The following CD151 variants were observed in gnomAD, a reference collection of about 807,000 sequenced individuals.
CD151 encodes CD151 antigen.
A neutral mutation model predicts 34.2 loss-of-function variants in CD151; 20 were observed. The ratio of observed to expected loss-of-function variants is 0.58; its 90% CI spans 0.41 to 0.85. The LOEUF (loss-of-function observed/expected upper bound fraction) is 0.85. CD151 is among the 40% of genes least tolerant of loss of function. The pLI, the probability that CD151 is intolerant of heterozygous loss-of-function variation, is 0.00. For synonymous variants in CD151, 157 were observed against 131.7 expected, an observed-to-expected ratio of 1.19 and a Z score of -1.32; for missense variants, 306 against 324.5, an observed-to-expected ratio of 0.94 and a Z score of 0.44.
chr11:835,969 G>A lies in CD151; in HGVS notation c.-7-94G>A, dbSNP rs1846748089. ...CCCAAAGTGCTGGGATTACAGGCGTGAGCCACCGCGCCTGGCCCTGTGTCC... is the reference window on the plus strand; with the variant it reads ...CCCAAAGTGCTGGGATTACAGGCGTAAGCCACCGCGCCTGGCCCTGTGTCC... On this transcript the variant is annotated intron_variant, in intron 2 of 8. Coordinates refer to ENST00000397420, the MANE Select transcript of CD151 (RefSeq NM_004357.5). The A allele has an allele frequency of 1.1e-5, 8 of 750,890 alleles. No homozygotes were observed. In the South Asian group the frequency reaches 1.2e-4, roughly 11 times the overall value. 46.5% of individuals were successfully genotyped at this position (750,890 alleles called of 1,614,324 possible).
chr11:837,400 C>T (rs1348530149), intron 6 of CD151, 46 bp downstream of exon 6: 1 of 1,611,062 alleles, frequency 6.2e-7, no homozygotes, highest in South Asian at 1.1e-5. Context: ...CAGGGCCTCC[C>T]TGGACCTCTG....
At chr11:833,078 G>A (rs1388682462) in intron 1 of CD151, 52 bp downstream of exon 1, 15 of 150,140 alleles carry the variant, frequency 1.0e-4, no homozygotes, top group African/African-American at 3.7e-4. Flanking sequence ...GGGGCGAGGG[G>A]GGCGAGGGGC....
In CD151 at chr11:838,296, A is replaced by C; in HGVS notation, c.*104A>C. The stretch of plus-strand genomic sequence containing the variant: ...GACACCCACCCTGTGCCATCACCAT[A>C]ACCTCTGGGGACCCCAACCTCAGAG... On this transcript the variant is annotated 3_prime_UTR_variant, in exon 9 of 9. Transcript: ENST00000397420. 1 of 961,186 alleles carries C rather than the reference A, an allele frequency of 1.0e-6. No individual in the cohort carries two copies. The highest frequency in any genetic ancestry group is 1.7e-6 in the Non-Finnish European group (1 of 603,254). 59.5% of individuals were successfully genotyped at this position (961,186 alleles called of 1,614,324 possible). A position where few individuals can be genotyped will look rare whatever the true frequency, so the allele number is the denominator to read the frequency against.
intron 2 of CD151, chr11:834,988 T>TA (rs1846695041): frequency 2.0e-5 from 3 of 152,568 alleles, no homozygotes; most frequent in Admixed American, 1.3e-4. Flanking sequence ...ACCCCTCTGC[T>TA]GTCTGAGTGG....
intron 1 of CD151, 33 bp downstream of exon 1, chr11:833,059 G>A (rs942922804): frequency 6.6e-5 from 10 of 151,016 alleles, no homozygotes; most frequent in Admixed American, 6.6e-4. Flanking sequence ...TCGGCCGAGC[G>A]GGGCGAGCGG....
chr11:835,979 G>A (rs113472913), intron 2 of CD151, 84 bp from the exon 3 acceptor site: 132 of 801,582 alleles, frequency 1.6e-4, no homozygotes, highest in African/African-American at 1.3e-3. Flanking sequence ...GAGCCACCGC[G>A]CCTGGCCCTG....
intron 1 of CD151, among the ~76,000 whole-genome samples, chr11:833,633 G>A (rs1846626566): frequency 6.6e-6 from 1 of 152,206 alleles, no homozygotes; most frequent in African/African-American, 2.4e-5. Flanking sequence ...TTTCCCAGGG[G>A]GTCCAGAGGG....
At position 836,828 on chromosome 11, in the gene CD151, C is replaced by A. The variant is rs760805374; in HGVS notation, c.336C>A (p.Tyr112Ter). ...AGATCATCGCTGGTATCCTCGCCTA[C>A]GCCTACTACCAGCAGGTGAGGGGCC... The part of the protein sequence containing the change: ...LLEIIAGILA[Y>*]AYYQQLNTEL... The change falls in exon 5 of 9, where the codon TAC (tyrosine) becomes TAA (stop). Residue 112 changes from tyrosine (Y) to a stop codon, truncating the protein, a stop_gained. Transcript: ENST00000397420. LOFTEE classifies it high-confidence loss of function. 6.2e-7 allele frequency: 1 copy of A among 1,612,612 alleles called. No homozygotes were observed. The highest frequency in any genetic ancestry group is 8.5e-7 in the Non-Finnish European group (1 of 1,179,908).
rs770842620 is a variant in CD151 at position 837,313 on chromosome 11, C to T, written c.415C>T (p.His139Tyr). The T allele has an allele frequency of 1.4e-5, 22 of 1,612,904 alleles. No homozygotes were observed. Among genetic ancestry groups the T allele is most frequent in the Middle Eastern group, 1.6e-4 (1 of 6,084 alleles). Reference protein sequence around the residue: ...TMTKRYHQPGHEAVTSAVDQL... With the variant: ...TMTKRYHQPGYEAVTSAVDQL... ...GACCAAGCGCTACCACCAGCCGGGC[C>T]ATGAGGCTGTGACCAGCGCTGTGGA... Residue 139 changes from histidine to tyrosine, a missense_variant, in exon 6 of 9, where the codon CAT (histidine) becomes TAT (tyrosine). His to Tyr is a moderately conservative substitution (Grantham distance 83). Coordinates refer to ENST00000397420, the MANE Select transcript of CD151 (RefSeq NM_004357.5).
chr11:837,204 G>T (rs1163217323), intron 5 of CD151, 46 bp from the exon 6 acceptor site: 1 of 1,508,374 alleles, frequency 6.6e-7, no homozygotes, highest in East Asian at 2.3e-5. Context: ...GCCCCACCTT[G>T]GAAGGTCTTA....
Position 836,372 on chromosome 11 carries a change from C to G in CD151, c.206C>G (p.Thr69Ser). ...ATAYILVVAG[T>S]VVMVTGVLGC... ...GCCTACATCCTGGTGGTGGCGGGCACTGTCGTCATGGTGACTGGGGTCTTG... is the reference window on the plus strand; with the variant it reads ...GCCTACATCCTGGTGGTGGCGGGCAGTGTCGTCATGGTGACTGGGGTCTTG... Residue 69 changes from threonine to serine, a missense_variant, in exon 4 of 9, where the codon ACT becomes AGT. Thr to Ser is a moderately conservative substitution (Grantham distance 58, BLOSUM62 1). Transcript: ENST00000397420. 2 of 1,612,538 alleles carry G rather than the reference C, an allele frequency of 1.2e-6. No homozygotes were observed. The highest frequency in any genetic ancestry group is 1.7e-6 in the Non-Finnish European group (2 of 1,179,910).
rs760805374 is a variant in CD151 at position 836,828 on chromosome 11, C to T, written c.336C>T (p.Tyr112=). 15 of 1,612,612 alleles carry T rather than the reference C, an allele frequency of 9.3e-6. No homozygotes were observed. Among genetic ancestry groups the T allele is most frequent in the African/African-American group, 1.3e-5 (1 of 74,910 alleles). ...AGATCATCGCTGGTATCCTCGCCTACGCCTACTACCAGCAGGTGAGGGGCC... is the reference window on the plus strand; with the variant it reads ...AGATCATCGCTGGTATCCTCGCCTATGCCTACTACCAGCAGGTGAGGGGCC... ...LLEIIAGILA[Y]AYYQQLNTEL... is the part of the protein sequence containing the mutation. The change falls in exon 5 of 9, where the codon TAC becomes TAT. Residue 112 remains tyrosine, a synonymous_variant. Coordinates refer to ENST00000397420, the MANE Select transcript of CD151 (RefSeq NM_004357.5).
rs766768124 is a variant in CD151 at position 838,189 on chromosome 11, C to T, written c.759C>T (p.Tyr253=). Residue 253 remains tyrosine (Y), a synonymous_variant, in exon 9 of 9, where the codon TAC becomes TAT. Coordinates refer to ENST00000397420, the MANE Select transcript of CD151 (RefSeq NM_004357.5). ...CLYRSLKLEH[Y] ...ACAGGAGTCTCAAGCTGGAGCACTA[C>T]TGACCCTGCCTTGGGCCTTGCTGCT... The T allele has an allele frequency of 4.3e-6, 7 of 1,612,430 alleles. No homozygotes were observed. In the East Asian group the frequency reaches 8.9e-5, roughly 21 times the overall value.
chr11:834,569 A>C lies in CD151; in HGVS notation c.-30A>C, dbSNP rs1846679542. 6.6e-6 allele frequency: 1 copy of C among 152,632 alleles called. No individual in the cohort carries two copies. Among genetic ancestry groups the C allele is most frequent in the Admixed American group, 6.5e-5 (1 of 15,280 alleles). The allele number at this position is 152,632 out of a possible 1,614,324, so 9.5% of individuals were successfully genotyped here. On this transcript the variant is annotated 5_prime_UTR_variant, in exon 2 of 9. Transcript: ENST00000397420. ...GAGCTTCTGTCCACCTGTCCTGCAG[A>C]GGAGTCGTTTCCAGCCCGGCTGGTG...
In CD151 at chr11:837,925, C is replaced by A. The variant is rs199919101; in HGVS notation, c.616-17C>A. ...TGCCCCCTGGGCCCGCCTTCAACAC[C>A]CATCCGCGCCCCGCAGGGCGGCTGC... is the stretch of plus-strand genomic sequence containing the variant. On this transcript the variant is annotated splice_polypyrimidine_tract_variant and intron_variant, in intron 7 of 8. Transcript: ENST00000397420. 6.3e-7 allele frequency: 1 copy of A among 1,599,496 alleles called. No homozygotes were observed. Among genetic ancestry groups the A allele is most frequent in the Non-Finnish European group, 8.5e-7 (1 of 1,170,478 alleles).
rs1346675761 is a variant in CD151 at position 838,152 on chromosome 11, C to CAGGA, written c.722_723insAGGA (p.Cys242GlyfsTer40). On this transcript the variant is annotated frameshift_variant, in exon 9 of 9. Coordinates refer to ENST00000397420, the MANE Select transcript of CD151 (RefSeq NM_004357.5). LOFTEE classifies it high-confidence loss of function. ...ACACAGGTCTTTGGCATGATCTTCACGTGCTGCCTGTACAGGAGTCTCAAG... is the reference window on the plus strand; with the variant it reads ...ACACAGGTCTTTGGCATGATCTTCACAGGAGTGCTGCCTGTACAGGAGTCTCAAG... 1.9e-6 allele frequency: 3 copies of CAGGA among 1,613,228 alleles called. No individual in the cohort carries two copies. The Admixed American group carries it at 5.0e-5, about 27-fold the overall frequency.
At position 836,295 on chromosome 11, in the gene CD151, C is replaced by A. The variant is rs779017734; in HGVS notation, c.129C>A (p.Ala43=). ...AVMAVGIWTL[A]LKSDYISLLA... ...TGGCAGTGGGCATCTGGACGCTGGC[C>A]CTCAAGAGTGACTACATCAGCCTGC... Residue 43 remains alanine, a synonymous_variant, in exon 4 of 9, where the codon GCC becomes GCA. Transcript: ENST00000397420. The A allele has an allele frequency of 3.1e-6, 5 of 1,612,738 alleles. No homozygotes were observed. The highest frequency in any genetic ancestry group is 4.2e-6 in the Non-Finnish European group (5 of 1,179,940).
intron 5 of CD151, 136 bp downstream of exon 5, chr11:836,979 G>T: frequency 1.3e-6 from 1 of 780,222 alleles, no homozygotes; most frequent in South Asian, 1.6e-5. Context: ...CTGGGCCCTG[G>T]AGATGGGGTC....
At chr11:833,727 A>G (rs1846632580) in intron 1 of CD151, among the ~76,000 whole-genome samples, 2 of 103,304 alleles carry the variant, frequency 1.9e-5, no homozygotes, top group South Asian at 5.6e-4. Context: ...GCCCAGAACC[A>G]ACTTCTCCAG....
Sources: allele counts gnomAD v4.1 joint callset (sites outside exome capture counted in the v4.1 genomes callset), GRCh38; gene constraint gnomAD v4.1.1; transcripts MANE v1.5; gene names NCBI Gene and HGNC (gene_info 2026-07-23, HGNC 2026-07-21).